RBFOX1: variants seen among roughly 807,000 people sequenced by gnomAD.
The protein encoded by RBFOX1 is RNA binding protein fox-1 homolog 1.
A neutral mutation model predicts 57.7 loss-of-function variants in RBFOX1; 8 were observed. The ratio of observed to expected loss-of-function variants is 0.14; its 90% CI spans 0.08 to 0.25. The LOEUF is 0.25. Among genes scored for constraint, RBFOX1 ranks in the 10% least tolerant of loss-of-function variants. The pLI, the probability that RBFOX1 is intolerant of heterozygous loss-of-function variation, is 1.00. For missense variants in RBFOX1, 611 were observed against 548.5 expected (o/e 1.11, Z -1.14); for synonymous variants, 326 against 222.4 (o/e 1.47, Z -4.15).
At chr16:6,604,716 T>A (rs1370055390) in intron 2 of RBFOX1, among the ~76,000 whole-genome samples, 1 of 152,220 alleles carries the variant, frequency 6.6e-6, no homozygotes, top group African/African-American at 2.4e-5. Context: ...ACACGTATAA[T>A]TGTCAGCCCT....
At chr16:5,585,477 G>A (rs1019412613) in intron 2 of RBFOX1, among the ~76,000 whole-genome samples, 1 of 152,182 alleles carries the variant, frequency 6.6e-6, no homozygotes, top group Non-Finnish European at 1.5e-5. Flanking sequence ...GACATGTGCC[G>A]TGGTCTGGAT....
chr16:6,590,945 G>A (rs139688994), intron 2 of RBFOX1, among the ~76,000 whole-genome samples: 47 of 152,220 alleles, frequency 3.1e-4, no homozygotes, highest in Non-Finnish European at 5.7e-4. Context: ...AGAGACTTTG[G>A]AGTCACACTG....
At chr16:7,038,161 A>T (rs1597693203) in intron 3 of RBFOX1, among the ~76,000 whole-genome samples, 1 of 151,664 alleles carries the variant, frequency 6.6e-6, no homozygotes, top group East Asian at 2.0e-4. Flanking sequence ...TGCTCATTCT[A>T]CACAGAGTTT....
At chr16:6,902,076 G>A (rs564862916) in intron 3 of RBFOX1, among the ~76,000 whole-genome samples, 1 of 152,160 alleles carries the variant, frequency 6.6e-6, no homozygotes, top group African/African-American at 2.4e-5. Context: ...CATACTTGAT[G>A]TCGGCATATA....
At chr16:6,394,515 T>G (rs1239406680) in intron 2 of RBFOX1, among the ~76,000 whole-genome samples, 6 of 151,442 alleles carry the variant, frequency 4.0e-5, no homozygotes, top group Non-Finnish European at 7.4e-5. Context: ...TGCTTTTTTT[T>G]TGTGATTCTG....
Position 6,000,078 on chromosome 16 carries a change from G to A in RBFOX1, c.351+132743G>A, listed in dbSNP as rs775673897. On this transcript the variant is annotated intron_variant, in intron 4 of 19. Transcript: ENST00000641259. ...TACCTTGCAGTGATTTGTCGGAAGA[G>A]AGAAGGGTGTGTCTGCCAAGGCCTT... Among the ~76,000 whole-genome samples, 6 of 152,138 alleles carry A rather than the reference G, an allele frequency of 3.9e-5. No individual in the cohort carries two copies. The East Asian group carries it at 9.7e-4, about 25-fold the overall frequency.
At chr16:7,324,489 G>A (rs999586761) in intron 4 of RBFOX1, among the ~76,000 whole-genome samples, 3 of 152,172 alleles carry the variant, frequency 2.0e-5, no homozygotes, top group South Asian at 2.1e-4. Context: ...CTCAAGCAAG[G>A]TCAACAAATT....
intron 2 of RBFOX1, among the ~76,000 whole-genome samples, chr16:5,533,603 C>G (rs2044574576): frequency 1.3e-5 from 2 of 152,150 alleles, no homozygotes; most frequent in African/African-American, 4.8e-5. Flanking sequence ...CAGTAGACAT[C>G]TCAGCATGGA....
At chr16:5,856,151 TTC>T (rs35841072) in intron 3 of RBFOX1, among the ~76,000 whole-genome samples, 761 of 40,342 alleles carry the variant, frequency 0.019, 25 homozygotes, top group East Asian at 0.051. Context: ...GTCTTTATGG[TTC>T]TCTCTCTCTC....
chr16:6,830,324 GGTTA>G (rs2092616156), intron 3 of RBFOX1, among the ~76,000 whole-genome samples: 1 of 152,030 alleles, frequency 6.6e-6, no homozygotes, highest in African/African-American at 2.4e-5. Flanking sequence ...TATTATTCCT[GGTTA>G]GTTCCTAACA....
chr16:7,546,943 A>G lies in RBFOX1; in HGVS notation c.270+28554A>G, dbSNP rs552450435. Among the ~76,000 whole-genome samples, 172 of 152,226 alleles carry G rather than the reference A, an allele frequency of 1.1e-3. 2 individuals are homozygous for G. Among genetic ancestry groups the G allele is most frequent in the Non-Finnish European group, 6.3e-4 (43 of 68,002 alleles). On this transcript the variant is annotated intron_variant, in intron 5 of 15. Coordinates refer to ENST00000550418, the MANE Select transcript of RBFOX1 (RefSeq NM_018723.4). ...TCTGGGTCAAAGAGTAAAAATGCAC[A>G]TTTTTTAAGGCTTTTGATAGTCAGA...
intron 4 of RBFOX1, among the ~76,000 whole-genome samples, chr16:7,476,668 A>G (rs1003168154): frequency 6.6e-6 from 1 of 152,032 alleles, no homozygotes; most frequent in Non-Finnish European, 1.5e-5. Context: ...ACATTCTATA[A>G]ACTGTACAAA....
intron 12 of RBFOX1, among the ~76,000 whole-genome samples, chr16:7,655,152 CT>C (rs1447194529): frequency 2.0e-5 from 3 of 152,124 alleles, no homozygotes; most frequent in Non-Finnish European, 4.4e-5. Flanking sequence ...AAAAGAAACA[CT>C]TTTTTTCATT....
chr16:6,222,998 A>G (rs1475245075), intron 1 of RBFOX1, among the ~76,000 whole-genome samples: 69 of 149,812 alleles, frequency 4.6e-4, no homozygotes, highest in East Asian at 2.0e-4. Flanking sequence ...ATGATTTCCA[A>G]TTTCATCCAT....
chr16:5,867,313 G>T, exon 4 of RBFOX1: 1 of 1,210,876 alleles, frequency 8.3e-7, no homozygotes, highest in Admixed American at 4.2e-5. Context: ...GTTTCGGCAA[G>T]TCAGGCTACA....
intron 3 of RBFOX1, among the ~76,000 whole-genome samples, chr16:5,624,207 C>A (rs914686087): frequency 2.0e-5 from 3 of 152,150 alleles, no homozygotes; most frequent in Admixed American, 6.5e-5. Flanking sequence ...CCCAGAGACT[C>A]TTTTTGAGAC....
chr16:6,542,806 A>C, intron 2 of RBFOX1, among the ~76,000 whole-genome samples: 1 of 151,862 alleles, frequency 6.6e-6, no homozygotes, highest in East Asian at 1.9e-4. Context: ...CCACAGTCTT[A>C]AGACGCTGGC....
intron 1 of RBFOX1, among the ~76,000 whole-genome samples, chr16:6,300,936 G>C (rs997176398): frequency 2.3e-4 from 35 of 152,074 alleles, no homozygotes; most frequent in African/African-American, 8.5e-4. Context: ...ACTGTACCTG[G>C]CATCATGCTT....
intron 1 of RBFOX1, among the ~76,000 whole-genome samples, chr16:5,393,349 C>G (rs943639602): frequency 2.0e-5 from 3 of 152,198 alleles, no homozygotes; most frequent in Non-Finnish European, 2.9e-5. Flanking sequence ...TTGGGTGTAT[C>G]TGTCCGTGTC....
Sources: allele counts gnomAD v4.1 joint callset (sites outside exome capture counted in the v4.1 genomes callset), GRCh38; gene constraint gnomAD v4.1.1; transcripts MANE v1.5; gene names NCBI Gene and HGNC (gene_info 2026-07-23, HGNC 2026-07-21).